ASIC2: variants seen among roughly 807,000 people sequenced by gnomAD.
ASIC2 encodes acid-sensing ion channel 2.
ASIC2 carries 25 observed loss-of-function variants against 57.3 expected under a neutral mutation model. That is an observed-to-expected ratio of 0.44 (90% confidence interval 0.32 to 0.61). The LOEUF (loss-of-function observed/expected upper bound fraction) is 0.61, where lower values mean the gene tolerates loss of function less well. Among genes scored for constraint, ASIC2 ranks in the 20% least tolerant of loss-of-function variants. ASIC2 has a pLI of 0.06. For missense variants in ASIC2, 641 were observed against 738.1 expected (o/e 0.87, Z 1.52); for synonymous variants, 319 against 307.5 (o/e 1.04, Z -0.39).
chr17:34,039,118 T>A, intron 1 of ASIC2: 1 of 1,614,090 alleles, frequency 6.2e-7, no homozygotes, highest in Non-Finnish European at 8.5e-7. Context: ...CATCTTTTGC[T>A]GTTCATCAAT....
chr17:33,042,681 G>T (rs2091934269), intron 3 of ASIC2, among the ~76,000 whole-genome samples: 1 of 152,160 alleles, frequency 6.6e-6, no homozygotes, highest in African/African-American at 2.4e-5. Flanking sequence ...GGCCTAGCTG[G>T]GATTGGAACC....
At chr17:33,233,620 G>GT (rs1201465242) in intron 1 of ASIC2, among the ~76,000 whole-genome samples, 181 of 145,758 alleles carry the variant, frequency 1.2e-3, no homozygotes, top group South Asian at 3.0e-3. Flanking sequence ...CTTTCAACTG[G>GT]TTTTTTTTTT....
intron 1 of ASIC2, among the ~76,000 whole-genome samples, chr17:33,484,227 T>G (rs1913506381): frequency 6.6e-6 from 1 of 152,196 alleles, no homozygotes; most frequent in Non-Finnish European, 1.5e-5. Context: ...AAAAGGAAAC[T>G]AATATAGTCC....
At chr17:34,056,735 C>T (rs970979528) in intron 1 of ASIC2, among the ~76,000 whole-genome samples, 1 of 152,210 alleles carries the variant, frequency 6.6e-6, no homozygotes, top group African/African-American at 2.4e-5. Flanking sequence ...AACTCCTCTA[C>T]CAAATAACCT....
At chr17:33,445,101 C>A (rs1270979358) in intron 1 of ASIC2, among the ~76,000 whole-genome samples, 1 of 152,116 alleles carries the variant, frequency 6.6e-6, no homozygotes, top group African/African-American at 2.4e-5. Context: ...GTAGCCAAAC[C>A]TCCTAAAGCA....
At chr17:33,827,266 C>A (rs781430226) in intron 1 of ASIC2, among the ~76,000 whole-genome samples, 1 of 150,334 alleles carries the variant, frequency 6.7e-6, no homozygotes, top group East Asian at 1.9e-4. Context: ...GACAGGGAGA[C>A]AAAGACAACA....
At chr17:33,770,957 T>C (rs1911086411) in intron 1 of ASIC2, among the ~76,000 whole-genome samples, 1 of 152,138 alleles carries the variant, frequency 6.6e-6, no homozygotes, top group South Asian at 2.1e-4. Context: ...CTGTGGTCAA[T>C]GGGCTATCAG....
intron 1 of ASIC2, among the ~76,000 whole-genome samples, chr17:33,264,488 G>C (rs574536674): frequency 6.6e-6 from 1 of 152,336 alleles, no homozygotes; most frequent in South Asian, 2.1e-4. Flanking sequence ...CAGTGGCACA[G>C]GGAATGAAAT....
At chr17:33,547,262 GT>G (rs57177945) in intron 1 of ASIC2, among the ~76,000 whole-genome samples, 14,113 of 152,094 alleles carry the variant, frequency 0.093, 1,717 homozygotes, top group African/African-American at 0.28. Context: ...AGCAGAGGGG[GT>G]GGGTCGGTCA....
intron 1 of ASIC2, among the ~76,000 whole-genome samples, chr17:33,941,841 G>A (rs929892647): frequency 2.6e-5 from 4 of 152,190 alleles, no homozygotes; most frequent in African/African-American, 4.8e-5. Flanking sequence ...CACCAGGACA[G>A]GGCAGGATGC....
intron 1 of ASIC2, among the ~76,000 whole-genome samples, chr17:33,809,684 G>A (rs543823305): frequency 1.4e-4 from 21 of 152,264 alleles, no homozygotes; most frequent in African/African-American, 4.3e-4. Context: ...AACCCAGCCC[G>A]AAAACTTATA....
chr17:33,465,204 G>C (rs970917991), intron 1 of ASIC2, among the ~76,000 whole-genome samples: 1 of 152,142 alleles, frequency 6.6e-6, no homozygotes, highest in African/African-American at 2.4e-5. Flanking sequence ...GATTGTTAGA[G>C]CAATAATACA....
At chr17:34,079,796 GT>G (rs1347350312) in intron 1 of ASIC2, among the ~76,000 whole-genome samples, 1 of 152,182 alleles carries the variant, frequency 6.6e-6, no homozygotes, top group Non-Finnish European at 1.5e-5. Flanking sequence ...CACCCTTGCT[GT>G]TTTGCTTGTC....
intron 1 of ASIC2, among the ~76,000 whole-genome samples, chr17:34,063,743 A>G (rs762965111): frequency 2.0e-5 from 3 of 152,194 alleles, no homozygotes; most frequent in Non-Finnish European, 4.4e-5. Flanking sequence ...GCAGAGAACC[A>G]AATCAAGAAC....
At chr17:34,104,035 C>T (rs565994356) in intron 1 of ASIC2, among the ~76,000 whole-genome samples, 6 of 152,124 alleles carry the variant, frequency 3.9e-5, no homozygotes, top group South Asian at 2.1e-4. Flanking sequence ...AGCTATGGAT[C>T]GCTGTGGGAA....
chr17:33,427,123 T>C (rs1479846137), intron 1 of ASIC2, among the ~76,000 whole-genome samples: 1 of 152,176 alleles, frequency 6.6e-6, no homozygotes, highest in African/African-American at 2.4e-5. Context: ...CAGTGATGCA[T>C]CAGCCCATCG....
intron 1 of ASIC2, among the ~76,000 whole-genome samples, chr17:33,481,358 A>G (rs1219427631): frequency 6.6e-6 from 1 of 152,228 alleles, no homozygotes; most frequent in Non-Finnish European, 1.5e-5. Flanking sequence ...TCAACAGATG[A>G]GTTAGCAGAT....
At chr17:34,134,666 C>T (rs1912080074) in intron 1 of ASIC2, among the ~76,000 whole-genome samples, 2 of 152,184 alleles carry the variant, frequency 1.3e-5, no homozygotes, top group Non-Finnish European at 1.5e-5. Context: ...TGATTACTTT[C>T]TCAATGCCAG....
At chr17:33,682,661 G>T (rs1908047193) in intron 1 of ASIC2, among the ~76,000 whole-genome samples, 1 of 151,878 alleles carries the variant, frequency 6.6e-6, no homozygotes. Context: ...CTGAGCCAGT[G>T]CAAACCTTTA....
Sources: allele counts gnomAD v4.1 joint callset (sites outside exome capture counted in the v4.1 genomes callset), GRCh38; gene constraint gnomAD v4.1.1; transcripts MANE v1.5; gene names NCBI Gene and HGNC (gene_info 2026-07-23, HGNC 2026-07-21).